TNFRSF19: variants seen among roughly 807,000 people sequenced by gnomAD.
The protein encoded by TNFRSF19 is TNF receptor superfamily member 19, also known as tumor necrosis factor receptor superfamily member 19.
Under a neutral mutation model 46.4 loss-of-function variants are expected in TNFRSF19, and 27 were observed. The ratio of observed to expected loss-of-function variants is 0.58; its 90% CI spans 0.43 to 0.80. The LOEUF is 0.80. TNFRSF19 is among the 30% of genes least tolerant of loss of function. The pLI is 0.00. For missense variants in TNFRSF19, 511 were observed against 530.8 expected (o/e 0.96, Z 0.37); for synonymous variants, 204 against 205.0 (o/e 1.00, Z 0.04).
Position 23,643,939 on chromosome 13 carries a change from GA to G in TNFRSF19, c.446-15104del, listed in dbSNP as rs954393619. On this transcript the variant is annotated intron_variant, in intron 5 of 9. Coordinates refer to ENST00000248484, the MANE Select transcript of TNFRSF19 (RefSeq NM_148957.4). ...CAAGTTCATACAACAATCTAAGTGG[GA>G]AAAAAAGATATAAAAGTGTACCTCT... Among the ~76,000 whole-genome samples, 12 of 152,178 alleles carry G rather than the reference GA, an allele frequency of 7.9e-5. 1 individual carries two copies. Among genetic ancestry groups the G allele is most frequent in the Middle Eastern group, 3.4e-3 (1 of 294 alleles).
At chr13:23,639,962 C>T (rs1882932979) in intron 5 of TNFRSF19, among the ~76,000 whole-genome samples, 1 of 152,302 alleles carries the variant, frequency 6.6e-6, no homozygotes, top group Admixed American at 6.5e-5. Flanking sequence ...CAAAACTCTG[C>T]TGACATGAGC....
intron 4 of TNFRSF19, among the ~76,000 whole-genome samples, chr13:23,624,654 G>C (rs2138283493): frequency 6.6e-6 from 1 of 151,812 alleles, no homozygotes; most frequent in South Asian, 2.1e-4. Context: ...ATGAAAAAAA[G>C]AAAATCACTT....
intron 7 of TNFRSF19, among the ~76,000 whole-genome samples, chr13:23,662,608 T>C (rs1282509547): frequency 1.3e-5 from 2 of 152,326 alleles, no homozygotes; most frequent in South Asian, 2.1e-4. Context: ...AATCTGTACA[T>C]TTGTTTGGGC....
intron 3 of TNFRSF19, among the ~76,000 whole-genome samples, chr13:23,603,461 T>C (rs2138217433): frequency 6.6e-6 from 1 of 152,162 alleles, no homozygotes; most frequent in Non-Finnish European, 1.5e-5. Flanking sequence ...AAATACTTTC[T>C]AACTCATTCT....
At chr13:23,632,846 G>A (rs940104594) in intron 5 of TNFRSF19, among the ~76,000 whole-genome samples, 1 of 152,176 alleles carries the variant, frequency 6.6e-6, no homozygotes, top group Non-Finnish European at 1.5e-5. Context: ...GAGAGGAGAA[G>A]CTAATCGAGG....
At chr13:23,626,223 G>GTGT (rs1566194534) in intron 4 of TNFRSF19, among the ~76,000 whole-genome samples, 1 of 146,936 alleles carries the variant, frequency 6.8e-6, no homozygotes, top group Non-Finnish European at 1.5e-5. Context: ...GTGTGTGTGT[G>GTGT]GTTGCTGTTC....
At chr13:23,639,191 G>A (rs1882882464) in intron 5 of TNFRSF19, among the ~76,000 whole-genome samples, 1 of 152,024 alleles carries the variant, frequency 6.6e-6, no homozygotes, top group African/African-American at 2.4e-5. Context: ...TCAGGAGTTC[G>A]AGACCAGCCT....
At chr13:23,606,574 C>G (rs1880527416) in intron 3 of TNFRSF19, among the ~76,000 whole-genome samples, 1 of 151,936 alleles carries the variant, frequency 6.6e-6, no homozygotes, top group African/African-American at 2.4e-5. Flanking sequence ...CATGAGTGAA[C>G]AAATCAGTTA....
At chr13:23,584,645 A>T (rs1174360957) in intron 1 of TNFRSF19, among the ~76,000 whole-genome samples, 1 of 147,336 alleles carries the variant, frequency 6.8e-6, no homozygotes, top group African/African-American at 2.5e-5. Context: ...AAAAAAAAAA[A>T]GCAGCCTAAT....
chr13:23,654,742 T>G (rs1883872416), intron 5 of TNFRSF19, among the ~76,000 whole-genome samples: 1 of 152,180 alleles, frequency 6.6e-6, no homozygotes, highest in Admixed American at 6.5e-5. Flanking sequence ...TGAATCCAGT[T>G]TTCAAGCTGC....
At chr13:23,630,526 G>A (rs1882292426) in intron 5 of TNFRSF19, among the ~76,000 whole-genome samples, 2 of 152,064 alleles carry the variant, frequency 1.3e-5, no homozygotes, top group Admixed American at 1.3e-4. Flanking sequence ...GGGCACTAAT[G>A]GCATTAATGT....
chr13:23,579,517 G>C (rs1208297846), intron 1 of TNFRSF19: 1 of 152,646 alleles, frequency 6.6e-6, no homozygotes, highest in East Asian at 1.9e-4. Flanking sequence ...CAGCCTCCCA[G>C]GTGGCTGGGA....
At chr13:23,625,199 T>C (rs982951552) in intron 4 of TNFRSF19, among the ~76,000 whole-genome samples, 6 of 152,220 alleles carry the variant, frequency 3.9e-5, no homozygotes, top group African/African-American at 1.4e-4. Context: ...TGGTAGGTCT[T>C]CATCATCATT....
intron 5 of TNFRSF19, among the ~76,000 whole-genome samples, chr13:23,652,302 A>G (rs1480472330): frequency 2.0e-5 from 3 of 152,198 alleles, no homozygotes; most frequent in Non-Finnish European, 4.4e-5. Context: ...CCCATTATCC[A>G]GCTCACCTGA....
intron 3 of TNFRSF19, among the ~76,000 whole-genome samples, chr13:23,603,039 G>A (rs1880273284): frequency 6.6e-6 from 1 of 151,980 alleles, no homozygotes; most frequent in African/African-American, 2.4e-5. Context: ...ACTCTGGAGA[G>A]AGTGAAGAAT....
intron 5 of TNFRSF19, among the ~76,000 whole-genome samples, chr13:23,633,222 C>T (rs1882461376): frequency 6.6e-6 from 1 of 151,782 alleles, no homozygotes. Context: ...AAGTGATCCT[C>T]CCACCTCAGC....
intron 4 of TNFRSF19, among the ~76,000 whole-genome samples, chr13:23,625,022 G>A (rs1352942511): frequency 6.6e-6 from 1 of 152,120 alleles, no homozygotes; most frequent in Non-Finnish European, 1.5e-5. Flanking sequence ...AAAGTGCTGG[G>A]ATTACAGGCG....
intron 3 of TNFRSF19, among the ~76,000 whole-genome samples, chr13:23,610,801 CT>C (rs1880849079): frequency 6.6e-6 from 1 of 151,970 alleles, no homozygotes; most frequent in Admixed American, 6.6e-5. Flanking sequence ...AGTAGGGGCC[CT>C]ATAATAATGC....
At chr13:23,576,607 C>A (rs1245689983) in intron 1 of TNFRSF19, among the ~76,000 whole-genome samples, 1 of 152,168 alleles carries the variant, frequency 6.6e-6, no homozygotes, top group African/African-American at 2.4e-5. Context: ...CCAAAATCTG[C>A]AAATGCTCAA....
Sources: allele counts gnomAD v4.1 joint callset (sites outside exome capture counted in the v4.1 genomes callset), GRCh38; gene constraint gnomAD v4.1.1; transcripts MANE v1.5; gene names NCBI Gene and HGNC (gene_info 2026-07-23, HGNC 2026-07-21).